Variants in ALG13 observed in about 807,000 individuals in gnomAD.
The protein encoded by ALG13 is UDP-N-acetylglucosamine transferase subunit ALG13.
ALG13 carries 11 observed loss-of-function variants against 87.8 expected under a neutral mutation model. The observed-to-expected ratio is 0.13, with a 90% CI of 0.08 to 0.21. The LOEUF is 0.21. ALG13 is among the 10% of genes least tolerant of loss of function. The pLI is 1.00. For missense variants in ALG13, 756 were observed against 866.1 expected (o/e 0.87, Z 1.60); for synonymous variants, 320 against 306.3 (o/e 1.04, Z -0.47).
chrX:111,734,715 CT>C (rs905365501), intron 21 of ALG13, among the ~76,000 whole-genome samples: 29 of 107,337 alleles, frequency 2.7e-4, no homozygotes, highest in African/African-American at 8.1e-4. Flanking sequence ...GATAGAATGC[CT>C]TTTTTTTTTA....
rs1401444170 is a variant in ALG13 at position 111,727,308 on chromosome X, A to G, written c.1977-24A>G. The G allele has an allele frequency of 3.6e-6, 4 of 1,119,398 alleles. No homozygotes were observed. The Admixed American group carries it at 6.8e-5, about 19-fold the overall frequency. The allele number at this position is 1,119,398 out of a possible 1,213,427, so 92.3% of individuals were successfully genotyped here. On this transcript the variant is annotated intron_variant, in intron 16 of 26. Transcript: ENST00000394780. ...TAGGTATTAGTGAATAGAGAGTTCTAGTTTCCTTTCTCTTTATTCTTAGGA... is the reference window on the plus strand; with the variant it reads ...TAGGTATTAGTGAATAGAGAGTTCTGGTTTCCTTTCTCTTTATTCTTAGGA...
chrX:111,724,731 A>C (rs1468657438), intron 14 of ALG13, among the ~76,000 whole-genome samples: 2 of 112,408 alleles, frequency 1.8e-5, no homozygotes, highest in Non-Finnish European at 3.7e-5. Context: ...CTTTCTTCTG[A>C]AATGTCATCG....
rs747630457 is a variant in ALG13 at position 111,754,204 on chromosome X, CCTT to C, written c.2973+1377_2973+1379del. 5.3e-3 allele frequency among the ~76,000 whole-genome samples: 592 copies of C among 111,394 alleles called. 2 individuals carry two copies. Among genetic ancestry groups the C allele is most frequent in the African/African-American group, 0.018 (549 of 30,664 alleles). On this transcript the variant is annotated intron_variant, in intron 25 of 26. Transcript: ENST00000394780. ...ATTATCTCAATAGATGCAGAAAAGGCCTTCTATAAAATTCAGCACCCCTTCATG... is the reference window on the plus strand; with the variant it reads ...ATTATCTCAATAGATGCAGAAAAGGCCTATAAAATTCAGCACCCCTTCATG...
intron 23 of ALG13, among the ~76,000 whole-genome samples, chrX:111,738,814 G>A (rs1943482347): frequency 9.5e-6 from 1 of 105,789 alleles, no homozygotes; most frequent in Admixed American, 1.0e-4. Flanking sequence ...TGGGATTACA[G>A]GCATGAGCCA....
At chrX:111,714,049 G>A (rs7049337) in intron 8 of ALG13, among the ~76,000 whole-genome samples, 27,245 of 111,487 alleles carry the variant, frequency 0.24, 7,868 homozygotes, top group African/African-American at 0.83. Flanking sequence ...TGACAAGACT[G>A]GAGACCAGGA....
At chrX:111,750,083 T>C (rs2148449403) in intron 24 of ALG13, among the ~76,000 whole-genome samples, 1 of 112,124 alleles carries the variant, frequency 8.9e-6, no homozygotes, top group African/African-American at 3.2e-5. Context: ...ACCTTATCTC[T>C]TTCTACTCCT....
intron 8 of ALG13, 150 bp from the exon 9 acceptor site, chrX:111,717,696 C>T: frequency 4.8e-6 from 2 of 414,201 alleles, no homozygotes; most frequent in Non-Finnish European, 8.2e-6. Flanking sequence ...GTTGCATTTC[C>T]TTATATTTAG....
chrX:111,722,994 G>C, intron 13 of ALG13, 137 bp downstream of exon 13: 1 of 444,508 alleles, frequency 2.2e-6, no homozygotes, highest in Non-Finnish European at 3.8e-6. Flanking sequence ...TAGCTCTGTT[G>C]CCTAGGCTGG....
chrX:111,733,631 C>T (rs970072482), intron 21 of ALG13, among the ~76,000 whole-genome samples: 1 of 111,393 alleles, frequency 9.0e-6, no homozygotes, highest in African/African-American at 3.3e-5. Context: ...TGTGTAATGA[C>T]TTCTTTTCCT....
intron 6 of ALG13, among the ~76,000 whole-genome samples, chrX:111,712,041 A>T (rs1050160569): frequency 7.1e-5 from 8 of 112,052 alleles, no homozygotes; most frequent in African/African-American, 2.6e-4. Flanking sequence ...CCAAGAGGTC[A>T]TTATTTTGTT....
chrX:111,709,070 G>T, intron 5 of ALG13, 22 bp downstream of exon 5: 2 of 994,183 alleles, frequency 2.0e-6, no homozygotes, highest in Non-Finnish European at 1.4e-6. Context: ...ACATACCCAG[G>T]GGAGAACTGG....
At chrX:111,751,989 G>C (rs1465462685) in intron 24 of ALG13, among the ~76,000 whole-genome samples, 1 of 111,785 alleles carries the variant, frequency 8.9e-6, no homozygotes, top group Non-Finnish European at 1.9e-5. Flanking sequence ...TGGAGTTCTG[G>C]TGGTGGTATG....
chrX:111,714,607 T>C (rs1940289858), intron 8 of ALG13, among the ~76,000 whole-genome samples: 1 of 111,062 alleles, frequency 9.0e-6, no homozygotes. Flanking sequence ...AGAATAGTCA[T>C]TTGAAACTTT....
intron 26 of ALG13, among the ~76,000 whole-genome samples, chrX:111,759,457 T>G: frequency 8.9e-6 from 1 of 111,943 alleles, no homozygotes; most frequent in Non-Finnish European, 1.9e-5. Flanking sequence ...TAAAGAATAT[T>G]TATGTATTTA....
chrX:111,689,379 T>G lies in ALG13; in HGVS notation c.383+4276T>G, dbSNP rs765868604. On this transcript the variant is annotated intron_variant, in intron 3 of 26. Transcript: ENST00000394780. ...ATGTTGGTCACTTAGTTTTTATAGT[T>G]TATGATGAAGAATTAAAGAGAAACA... The G allele has an allele frequency of 5.3e-6, 4 of 752,164 alleles. No homozygotes were observed. In the East Asian group the frequency reaches 6.1e-4, roughly 114 times the overall value. The allele number at this position is 752,164 out of a possible 1,213,427, so 62.0% of individuals were successfully genotyped here.
rs761468006 is a variant in ALG13 at position 111,752,485 on chromosome X, G to A, written c.2933-305G>A. Reference sequence around the variant, plus strand: ...GGCTGGAGTGCAGTGGCATGATCTCGGCTCAGTGCAACCTCCATCTCCCAG... The same window carrying A: ...GGCTGGAGTGCAGTGGCATGATCTCAGCTCAGTGCAACCTCCATCTCCCAG... On this transcript the variant is annotated intron_variant, in intron 24 of 26. Transcript: ENST00000394780. Among the ~76,000 whole-genome samples, 119 of 109,564 alleles carry A rather than the reference G, an allele frequency of 1.1e-3. 1 individual carries two copies. The highest frequency in any genetic ancestry group is 3.6e-3 in the African/African-American group (107 of 30,064).
chrX:111,760,578 C>T lies in ALG13; in HGVS notation c.*579C>T, dbSNP rs762935554. 8.8e-6 allele frequency: 1 copy of T among 113,079 alleles called. No homozygotes were observed. Among genetic ancestry groups the T allele is most frequent in the East Asian group, 2.8e-4 (1 of 3,601 alleles). 9.3% of individuals were successfully genotyped at this position (113,079 alleles called of 1,213,427 possible). A position where few individuals can be genotyped will look rare whatever the true frequency, so the allele number is the denominator to read the frequency against. On this transcript the variant is annotated 3_prime_UTR_variant, in exon 27 of 27. Transcript: ENST00000394780. ...ATACTGGATGTATGTAAGTGTTTTA[C>T]TGCACTGTATTGAATTGGTGTCTTT... is the stretch of plus-strand genomic sequence containing the variant.
chrX:111,690,271 A>G (rs1389135483), intron 3 of ALG13: 7 of 752,504 alleles, frequency 9.3e-6, no homozygotes, highest in Non-Finnish European at 1.1e-5. Context: ...TTTATTTAGC[A>G]GTGTTCTATT....
At chrX:111,728,137 C>G in intron 18 of ALG13, 48 bp from the exon 19 acceptor site, 1 of 1,199,296 alleles carries the variant, frequency 8.3e-7, no homozygotes, top group African/African-American at 1.8e-5. Context: ...GCTTTTTTTT[C>G]TGACTATATA....
Sources: gnomAD v4.1 joint callset for allele counts (sites outside exome capture counted in the v4.1 genomes callset) on GRCh38, gnomAD v4.1.1 for gene constraint, MANE v1.5 for transcripts, NCBI Gene and HGNC (gene_info 2026-07-23, HGNC 2026-07-21) for gene names.